WNT7B: variants seen among roughly 807,000 people sequenced by gnomAD.
WNT7B encodes the protein protein Wnt-7b.
In WNT7B, 19 loss-of-function variants were observed where a neutral mutation model predicts 38.2. That is an observed-to-expected ratio of 0.50 (90% CI 0.35 to 0.73). The LOEUF is 0.73. Ranked by LOEUF, WNT7B falls within the 30% of genes least tolerant of loss-of-function variation. WNT7B has a pLI of 0.01. For synonymous variants in WNT7B, 243 were observed against 209.3 expected (o/e 1.16, Z -1.39); for missense variants, 423 against 507.9 (o/e 0.83, Z 1.61).
intron 2 of WNT7B, 125 bp from the exon 3 acceptor site, chr22:45,931,494 C>G (rs1322500412): frequency 8.3e-7 from 1 of 1,198,376 alleles, no homozygotes; most frequent in Non-Finnish European, 1.1e-6. Flanking sequence ...GCTCATCGCT[C>G]GCCCCCTCTG....
At chr22:45,933,703 C>T (rs1931437711) in intron 2 of WNT7B, among the ~76,000 whole-genome samples, 1 of 152,178 alleles carries the variant, frequency 6.6e-6, no homozygotes, top group Admixed American at 6.5e-5. Context: ...GAGGAGGTTA[C>T]ATCTTAAGTG....
In WNT7B at chr22:45,975,689, C is replaced by G. The variant is rs1932535239; in HGVS notation, c.71+995G>C. On this transcript the variant is annotated intron_variant, in intron 1 of 3. Transcript: ENST00000339464. This position sits in a 1 kb window ranked among gnomAD's most constrained non-coding sequence, Gnocchi z 6.6. ...TCCCGCGGGTCTGTTCACCGCCTTG[C>G]CTGTGGCCTGGACGGGGCTCGCCTC... 2 of 636,106 alleles carry G rather than the reference C, an allele frequency of 3.1e-6. No homozygotes were observed. The highest frequency in any genetic ancestry group is 3.6e-5 in the South Asian group (2 of 56,104). The allele number at this position is 636,106 out of a possible 1,614,324, so 39.4% of individuals were successfully genotyped here.
At chr22:45,926,168 C>T in intron 3 of WNT7B, 1 of 985,420 alleles carries the variant, frequency 1.0e-6, no homozygotes, top group Non-Finnish European at 1.2e-6. Flanking sequence ...AGAGCCTCTC[C>T]CAGGAAGTGA....
At chr22:45,950,443 A>T (rs761721010) in intron 1 of WNT7B, among the ~76,000 whole-genome samples, 21 of 152,266 alleles carry the variant, frequency 1.4e-4, no homozygotes, top group Admixed American at 4.6e-4. Context: ...TCTCCAGGCC[A>T]CTGAGTCAGA....
At position 45,976,434 on chromosome 22, in the gene WNT7B, G is replaced by T. The variant is rs1286288856; in HGVS notation, c.71+250C>A. 4.6e-5 allele frequency among the ~76,000 whole-genome samples: 7 copies of T among 151,870 alleles called. No individual in the cohort carries two copies. Among genetic ancestry groups the T allele is most frequent in the Non-Finnish European group, 8.8e-5 (6 of 67,934 alleles). On this transcript the variant is annotated intron_variant, in intron 1 of 3. Coordinates refer to ENST00000339464, the MANE Select transcript of WNT7B (RefSeq NM_058238.3). This position sits in a 1 kb window ranked among gnomAD's most constrained non-coding sequence, Gnocchi z 8.5. ...CGGGCACGCTCGCCGCTACCCGCGA[G>T]CCCGGCCGGACCGCCCGCGCGCCCC...
chr22:45,930,505 C>G (rs991384742), intron 3 of WNT7B, among the ~76,000 whole-genome samples: 2 of 152,206 alleles, frequency 1.3e-5, no homozygotes, highest in African/African-American at 4.8e-5. Flanking sequence ...CTCCAGTGGG[C>G]GGGGCCCGGC....
rs1931901792 is a variant in WNT7B, at chr22:45,950,292, G to A, written c.72-146C>T. On this transcript the variant is annotated intron_variant, in intron 1 of 3. Coordinates refer to ENST00000339464, the MANE Select transcript of WNT7B (RefSeq NM_058238.3). Reference sequence around the variant, plus strand: ...GGCACAAGCAGATCCCTGCCCTCAAGGGGCTGTTTCCCATCAACTCACATG... The same window carrying A: ...GGCACAAGCAGATCCCTGCCCTCAAAGGGCTGTTTCCCATCAACTCACATG... 4.2e-6 allele frequency: 3 copies of A among 715,760 alleles called. No individual in the cohort carries two copies. The Admixed American group carries it at 7.1e-5, about 17-fold the overall frequency. The allele number at this position is 715,760 out of a possible 1,614,324, so 44.3% of individuals were successfully genotyped here.
intron 3 of WNT7B, chr22:45,926,924 C>T: frequency 3.0e-6 from 3 of 985,448 alleles, no homozygotes; most frequent in Admixed American, 6.1e-5. Flanking sequence ...GCTGTGGACC[C>T]TCAGTCAGGG....
At chr22:45,938,850 T>C (rs10429664) in intron 2 of WNT7B, among the ~76,000 whole-genome samples, 50,560 of 152,158 alleles carry the variant, frequency 0.33, 9,564 homozygotes, top group East Asian at 0.64. Flanking sequence ...ACACATTGTA[T>C]ACATGTATCA....
chr22:45,927,632 A>T, intron 3 of WNT7B: 1 of 807,098 alleles, frequency 1.2e-6, no homozygotes, highest in Non-Finnish European at 2.1e-6. Context: ...GCAGTGGCTC[A>T]CACCTGTAAT....
In WNT7B at chr22:45,949,323, C is replaced by T. The variant is rs115493767; in HGVS notation, c.298+597G>A. ...TGCTTGGTGTCCATCAAACCACTCCCCACACCCGCCCACCCACCCTGCCCT... is the reference window on the plus strand; with the variant it reads ...TGCTTGGTGTCCATCAAACCACTCCTCACACCCGCCCACCCACCCTGCCCT... On this transcript the variant is annotated intron_variant, in intron 2 of 3. Transcript: ENST00000339464. Among the ~76,000 whole-genome samples, 929 of 148,670 alleles carry T rather than the reference C, an allele frequency of 6.2e-3. 7 individuals carry two copies. The highest frequency in any genetic ancestry group is 0.022 in the African/African-American group (873 of 40,232).
chr22:45,937,727 C>G (rs1931547198), intron 2 of WNT7B, among the ~76,000 whole-genome samples: 1 of 152,260 alleles, frequency 6.6e-6, no homozygotes, highest in African/African-American at 2.4e-5. Flanking sequence ...ACATTTTTGT[C>G]CGGGCACAGC....
intron 3 of WNT7B, chr22:45,927,144 CCCTGCTGA>C (rs1302986063): frequency 1.0e-6 from 1 of 984,446 alleles, no homozygotes; most frequent in Non-Finnish European, 1.2e-6. Flanking sequence ...CCTCTGTCTG[CCCTGCTGA>C]CCTGCCTGCC....
At chr22:45,927,344 G>A (rs796395204) in intron 3 of WNT7B, 1 of 1,469,924 alleles carries the variant, frequency 6.8e-7, no homozygotes, top group African/African-American at 1.4e-5. Flanking sequence ...GCCTTGGTCT[G>A]GTAGAAGTGG....
intron 3 of WNT7B, among the ~76,000 whole-genome samples, chr22:45,928,493 G>C (rs1931166945): frequency 6.6e-6 from 1 of 151,944 alleles, no homozygotes; most frequent in Non-Finnish European, 1.5e-5. Flanking sequence ...GTCAGCCAGG[G>C]CCCCACCGGC....
At chr22:45,967,938 A>C (rs1028082521) in intron 1 of WNT7B, among the ~76,000 whole-genome samples, 4 of 151,796 alleles carry the variant, frequency 2.6e-5, no homozygotes, top group Admixed American at 6.6e-5. Context: ...GCATAGGGGG[A>C]GCTTCCCTTC....
At chr22:45,939,672 A>ACACACACACACACAC (rs1477583799) in intron 2 of WNT7B, among the ~76,000 whole-genome samples, 4 of 104,420 alleles carry the variant, frequency 3.8e-5, no homozygotes, top group African/African-American at 1.7e-4. Flanking sequence ...CACACACACA[A>ACACACACACACACAC]AAATAGCCAG....
chr22:45,973,233 C>T (rs1250047918), intron 1 of WNT7B, among the ~76,000 whole-genome samples: 1 of 152,350 alleles, frequency 6.6e-6, no homozygotes, highest in East Asian at 1.9e-4. Flanking sequence ...CGTTCTCCCT[C>T]CTCGAGTTCC....
In WNT7B at chr22:45,930,162, C is replaced by G. The variant is rs117155368; in HGVS notation, c.570+936G>C. ...AGCCCTCACCGTCCTGGGTGTGACC[C>G]CTGCACCCCTCATGTGGACCCAGTT... On this transcript the variant is annotated intron_variant, in intron 3 of 3. Coordinates refer to ENST00000339464, the MANE Select transcript of WNT7B (RefSeq NM_058238.3). 1.4e-3 allele frequency among the ~76,000 whole-genome samples: 209 copies of G among 152,372 alleles called. 6 individuals carry two copies. In the East Asian group the frequency reaches 0.034, roughly 25 times the overall value.
Sources: allele counts gnomAD v4.1 joint callset (sites outside exome capture counted in the v4.1 genomes callset), GRCh38; gene constraint gnomAD v4.1.1; non-coding constraint Gnocchi (gnomAD v3.1); transcripts MANE v1.5; gene names NCBI Gene and HGNC (gene_info 2026-07-23, HGNC 2026-07-21).